The following CACNA2D2 variants were observed in gnomAD, a reference collection of about 807,000 sequenced individuals.
The protein encoded by CACNA2D2 is voltage-dependent calcium channel subunit alpha-2/delta-2.
CACNA2D2 carries 48 observed loss-of-function variants against 166.4 expected under a neutral mutation model. The observed-to-expected ratio is 0.29, with a 90% confidence interval of 0.23 to 0.37. The LOEUF is 0.37. Among genes scored for constraint, CACNA2D2 ranks in the 10% least tolerant of loss-of-function variants. CACNA2D2 has a pLI of 1.00. For missense variants in CACNA2D2, 1,122 were observed against 1,433.0 expected (o/e 0.78, Z 3.50); for synonymous variants, 561 against 573.7 (o/e 0.98, Z 0.32).
intron 4 of CACNA2D2, among the ~76,000 whole-genome samples, chr3:50,390,173 T>C (rs749227404): frequency 6.6e-6 from 1 of 152,172 alleles, no homozygotes; most frequent in Non-Finnish European, 1.5e-5. Context: ...CCTCAAATTC[T>C]GACCTGGACA....
rs780100910 is a variant in CACNA2D2, at chr3:50,378,944, G to A, written c.1310C>T (p.Pro437Leu). 6 of 1,613,724 alleles carry A rather than the reference G, an allele frequency of 3.7e-6. No individual in the cohort carries two copies. The highest frequency in any genetic ancestry group is 1.7e-5 in the Admixed American group (1 of 59,998). The change falls in exon 13 of 38, where the codon CCG (proline) becomes CTG (leucine). Residue 437 changes from proline (P) to leucine (L), a missense_variant. Around this residue, in one of 2 missense-constraint regions of CACNA2D2, gnomAD observed 840 missense variants for 1,166.8 expected, o/e 0.72. Transcript: ENST00000424201. ...GTTGGCACAGGCCATCCACTGCAGC[G>A]GTGTGACGTCATAGTTATGCTGCCC... ...SVGQHNYDVT[P>L]LQWMACANKG...
chr3:50,369,488 C>G (rs1294986693), intron 23 of CACNA2D2, among the ~76,000 whole-genome samples: 1 of 152,246 alleles, frequency 6.6e-6, no homozygotes, highest in Admixed American at 6.5e-5. Context: ...CACACATCTA[C>G]AGAGAGAGTC....
intron 4 of CACNA2D2, 33 bp from the exon 5 acceptor site, chr3:50,387,645 G>A (rs765123494): frequency 3.8e-6 from 6 of 1,582,240 alleles, no homozygotes; most frequent in Non-Finnish European, 5.2e-6. Context: ...AGCACTAGCT[G>A]CTCAGGGTCC....
intron 2 of CACNA2D2, among the ~76,000 whole-genome samples, chr3:50,464,332 T>A (rs1445770304): frequency 6.6e-6 from 1 of 152,210 alleles, no homozygotes; most frequent in Non-Finnish European, 1.5e-5. Context: ...CATCTAAGGC[T>A]GTGAGTTGAG....
chr3:50,469,898 A>C (rs1376622876), intron 2 of CACNA2D2, among the ~76,000 whole-genome samples: 1 of 151,824 alleles, frequency 6.6e-6, no homozygotes, highest in African/African-American at 2.4e-5. Context: ...GCTGTTCCCC[A>C]TCCCCTGGGA....
At chr3:50,471,960 AC>A (rs1427577546) in intron 2 of CACNA2D2, among the ~76,000 whole-genome samples, 1 of 152,178 alleles carries the variant, frequency 6.6e-6, no homozygotes, top group African/African-American at 2.4e-5. Flanking sequence ...ACACACAGAC[AC>A]CGTTGATCTG....
intron 2 of CACNA2D2, among the ~76,000 whole-genome samples, chr3:50,466,153 CA>C (rs1709818455): frequency 6.6e-6 from 1 of 152,138 alleles, no homozygotes; most frequent in Non-Finnish European, 1.5e-5. Context: ...GGTCCAGCCC[CA>C]CCCCAGGATG....
At chr3:50,413,716 G>A (rs548651002) in intron 3 of CACNA2D2, among the ~76,000 whole-genome samples, 6 of 152,230 alleles carry the variant, frequency 3.9e-5, no homozygotes, top group Admixed American at 2.6e-4. Context: ...GTGTGGTGAC[G>A]CACGCCTGTA....
chr3:50,478,763 G>A lies in CACNA2D2; in HGVS notation c.207-2564C>T, dbSNP rs539551819. Among the ~76,000 whole-genome samples, 15 of 152,326 alleles carry A rather than the reference G, an allele frequency of 9.8e-5. No homozygotes were observed. In the East Asian group the frequency reaches 2.9e-3, roughly 29 times the overall value. ...GCTGACTCACAAAAGCTGATTCTGT[G>A]CACCTCTTTCCAACTCTGCATTTGG... On this transcript the variant is annotated intron_variant, in intron 1 of 37. Transcript: ENST00000424201.
At chr3:50,414,439 G>A (rs1315442934) in intron 3 of CACNA2D2, among the ~76,000 whole-genome samples, 1 of 152,202 alleles carries the variant, frequency 6.6e-6, no homozygotes. Flanking sequence ...TCAACATGAG[G>A]TCAAAGCAGG....
chr3:50,435,841 C>A (rs909084048), intron 2 of CACNA2D2, among the ~76,000 whole-genome samples: 2 of 152,280 alleles, frequency 1.3e-5, no homozygotes, highest in South Asian at 4.1e-4. Flanking sequence ...CGCTCCTTCC[C>A]GCAGAGTAGT....
intron 4 of CACNA2D2, among the ~76,000 whole-genome samples, chr3:50,388,213 C>T (rs944763223): frequency 6.6e-6 from 1 of 152,240 alleles, no homozygotes; most frequent in African/African-American, 2.4e-5. Flanking sequence ...CGCCTGGGTT[C>T]TTGGCCATCT....
chr3:50,449,709 G>A lies in CACNA2D2; in HGVS notation c.289-15280C>T, dbSNP rs950142361. On this transcript the variant is annotated intron_variant, in intron 2 of 37. Coordinates refer to ENST00000424201, the MANE Select transcript of CACNA2D2 (RefSeq NM_006030.4). ...TAAAGCGTGGCCCTGTGATGCCTCC[G>A]CCACACCACACTCAGAATGACCTTG... 7.2e-5 allele frequency among the ~76,000 whole-genome samples: 11 copies of A among 152,296 alleles called. No individual in the cohort carries two copies. The East Asian group carries it at 1.7e-3, about 24-fold the overall frequency.
intron 23 of CACNA2D2, among the ~76,000 whole-genome samples, chr3:50,369,345 C>A (rs1704525815): frequency 6.6e-6 from 1 of 152,242 alleles, no homozygotes; most frequent in South Asian, 2.1e-4. Flanking sequence ...AGGGTCCCTG[C>A]CTTCAAGAGA....
chr3:50,365,114 G>A lies in CACNA2D2; in HGVS notation c.3169C>T (p.Gln1057Ter). The A allele has an allele frequency of 6.2e-7, 1 of 1,612,098 alleles. No individual in the cohort carries two copies. Among genetic ancestry groups the A allele is most frequent in the Non-Finnish European group, 8.5e-7 (1 of 1,179,702 alleles). The change falls in exon 36 of 38, where the codon CAG becomes TAG. Residue 1057 changes from glutamine (Q) to a stop codon, truncating the protein, a stop_gained. Coordinates refer to ENST00000424201, the MANE Select transcript of CACNA2D2 (RefSeq NM_006030.4). LOFTEE classifies it high-confidence loss of function. This position sits in a 1 kb window ranked among gnomAD's most constrained non-coding sequence, Gnocchi z 4.5. The part of the protein sequence containing the change: ...FVVAEKPLCS[Q>*]CEAGRLLQKE... ...TGCAGCAGCCGGCCAGCCTCGCACTGGCTGCACAGCGGCTTCTCGGCCACC... is the reference window on the plus strand; with the variant it reads ...TGCAGCAGCCGGCCAGCCTCGCACTAGCTGCACAGCGGCTTCTCGGCCACC...
At chr3:50,497,059 A>C (rs548559486) in intron 1 of CACNA2D2, among the ~76,000 whole-genome samples, 1 of 152,324 alleles carries the variant, frequency 6.6e-6, no homozygotes, top group South Asian at 2.1e-4. Context: ...TAGGCTGATC[A>C]GAACTCAAAG....
In CACNA2D2 at chr3:50,365,736, C is replaced by G; in HGVS notation, c.2916-48G>C. The G allele has an allele frequency of 6.2e-7, 1 of 1,604,620 alleles. No homozygotes were observed. The highest frequency in any genetic ancestry group is 1.7e-4 in the Middle Eastern group (1 of 6,054). ...TGCAGGTGGTCAGCAGAGGACGATG[C>G]CATGCCCTACTTCTCTTCTGAGCCC... is the stretch of plus-strand genomic sequence containing the variant. On this transcript the variant is annotated intron_variant, in intron 33 of 37. Transcript: ENST00000424201. This position sits in a 1 kb window ranked among gnomAD's most constrained non-coding sequence, Gnocchi z 4.5.
chr3:50,420,690 G>T (rs936293958), intron 3 of CACNA2D2, among the ~76,000 whole-genome samples: 1 of 152,178 alleles, frequency 6.6e-6, no homozygotes, highest in Non-Finnish European at 1.5e-5. Context: ...GTAGGTGGAC[G>T]GACAGATGAT....
At chr3:50,441,879 G>C (rs569062465) in intron 2 of CACNA2D2, among the ~76,000 whole-genome samples, 1 of 152,314 alleles carries the variant, frequency 6.6e-6, no homozygotes, top group African/African-American at 2.4e-5. Flanking sequence ...AATCCAGCTC[G>C]GAAGTGGGAG....
Sources: allele counts gnomAD v4.1 joint callset (sites outside exome capture counted in the v4.1 genomes callset), GRCh38; gene constraint gnomAD v4.1.1; regional missense constraint gnomAD v4.1.1; non-coding constraint Gnocchi (gnomAD v3.1); transcripts MANE v1.5; gene names NCBI Gene and HGNC (gene_info 2026-07-23, HGNC 2026-07-21).